The following MAPK14 variants were observed in gnomAD, a reference collection of about 807,000 sequenced individuals.
MAPK14 encodes the protein mitogen-activated protein kinase 14, also known as CSAID-binding protein.
In MAPK14, 16 loss-of-function variants were observed where a neutral mutation model predicts 49.6. The observed-to-expected ratio is 0.32, with a 90% confidence interval of 0.22 to 0.49. The LOEUF (loss-of-function observed/expected upper bound fraction) is 0.49. Among genes scored for constraint, MAPK14 ranks in the 20% least tolerant of loss-of-function variants. MAPK14 has a pLI of 0.99. For missense variants in MAPK14, 200 were observed against 441.2 expected (o/e 0.45, Z 4.90); for synonymous variants, 142 against 158.0 (o/e 0.90, Z 0.76).
chr6:36,091,233 A>G (rs1765215445), intron 8 of MAPK14, among the ~76,000 whole-genome samples: 1 of 150,636 alleles, frequency 6.6e-6, no homozygotes, highest in South Asian at 2.1e-4. Context: ...ATATCCTGTT[A>G]TGCTTAGTTT....
chr6:36,102,694 A>G (rs1307781557), intron 10 of MAPK14, 45 bp downstream of exon 10: 7 of 1,607,892 alleles, frequency 4.4e-6, no homozygotes, highest in Non-Finnish European at 5.9e-6. Flanking sequence ...TGAATTGGTT[A>G]TGATATAAAT....
chr6:36,104,184 G>T (rs1408150978), intron 10 of MAPK14, among the ~76,000 whole-genome samples: 1 of 152,146 alleles, frequency 6.6e-6, no homozygotes, highest in African/African-American at 2.4e-5. Flanking sequence ...CAGCTGGGTC[G>T]CTCTCCTGCC....
chr6:36,098,166 A>G (rs572753344), intron 9 of MAPK14: 115 of 152,346 alleles, frequency 7.5e-4, no homozygotes, highest in African/African-American at 2.7e-3. Flanking sequence ...AGCTGTTTTC[A>G]TTCTCCTGAA....
At chr6:36,060,997 T>C (rs71569320) in intron 3 of MAPK14, among the ~76,000 whole-genome samples, 1 of 152,198 alleles carries the variant, frequency 6.6e-6, no homozygotes, top group Non-Finnish European at 1.5e-5. Flanking sequence ...TATGGAGGCT[T>C]CCAGAGATTA....
chr6:36,068,575 GT>G (rs1452166242), intron 3 of MAPK14, among the ~76,000 whole-genome samples: 1 of 152,040 alleles, frequency 6.6e-6, no homozygotes, highest in Non-Finnish European at 1.5e-5. Context: ...GAATAAATGG[GT>G]TTTTTTGTTT....
At chr6:36,061,852 T>G (rs1267930888) in intron 3 of MAPK14, among the ~76,000 whole-genome samples, 1 of 152,228 alleles carries the variant, frequency 6.6e-6, no homozygotes, top group East Asian at 1.9e-4. Flanking sequence ...GTGTTTTAAA[T>G]TACAGAAAGT....
chr6:36,028,298 G>T lies in MAPK14; in HGVS notation c.116+25G>T. The T allele has an allele frequency of 6.4e-7, 1 of 1,560,722 alleles. No individual in the cohort carries two copies. The highest frequency in any genetic ancestry group is 1.7e-5 in the Admixed American group (1 of 59,642). On this transcript the variant is annotated intron_variant, in intron 1 of 11. Coordinates refer to ENST00000229794, the MANE Select transcript of MAPK14 (RefSeq NM_139012.3). This position sits in a 1 kb window ranked among gnomAD's most constrained non-coding sequence, Gnocchi z 5.1. ...GGTGAGTGTCGCTGGGCCTGGGGCC[G>T]CTGTGGGCAGGGTGGCCCCTCGCGC...
chr6:36,064,013 C>G (rs1347773834), intron 3 of MAPK14, among the ~76,000 whole-genome samples: 1 of 151,978 alleles, frequency 6.6e-6, no homozygotes, highest in African/African-American at 2.4e-5. Context: ...ATATTTGAAC[C>G]TAACACCAGA....
intron 8 of MAPK14, among the ~76,000 whole-genome samples, chr6:36,090,850 C>T (rs1004004539): frequency 3.3e-5 from 5 of 152,192 alleles, no homozygotes; most frequent in Non-Finnish European, 7.3e-5. Flanking sequence ...CCTTTCCTCT[C>T]TAACTTGAAA....
chr6:36,085,947 T>C (rs540441485), intron 8 of MAPK14, among the ~76,000 whole-genome samples: 1 of 152,272 alleles, frequency 6.6e-6, no homozygotes, highest in East Asian at 1.9e-4. Flanking sequence ...ACTGAAAATA[T>C]AACACACAGC....
chr6:36,120,389 C>T, the MAPK14 span, among the ~76,000 whole-genome samples: 1 of 152,032 alleles, frequency 6.6e-6, no homozygotes, highest in Admixed American at 6.6e-5. Flanking sequence ...TCCTCCCACC[C>T]CCACCAGCCA....
chr6:36,028,083 G>A lies in MAPK14; in HGVS notation c.-75G>A. ...CCCCGCCCGGCTGGGCGGGCAGCAA[G>A]GGCCGGGGAGAGGGTGCGGGTGCAG... is the stretch of plus-strand genomic sequence containing the variant. On this transcript the variant is annotated 5_prime_UTR_variant, in exon 1 of 12. Coordinates refer to ENST00000229794, the MANE Select transcript of MAPK14 (RefSeq NM_139012.3). This position sits in a 1 kb window ranked among gnomAD's most constrained non-coding sequence, Gnocchi z 5.1. The A allele has an allele frequency of 1.0e-6, 1 of 990,738 alleles. No individual in the cohort carries two copies. The allele number at this position is 990,738 out of a possible 1,614,324, so 61.4% of individuals were successfully genotyped here.
chr6:36,030,105 T>A (rs1762481571), intron 1 of MAPK14, among the ~76,000 whole-genome samples: 1 of 152,196 alleles, frequency 6.6e-6, no homozygotes, highest in South Asian at 2.1e-4. Context: ...TCAATGCTAT[T>A]TAAATTTTAA....
rs776868245 is a variant in MAPK14 at position 36,107,251 on chromosome 6, A to T, written c.842-204A>T. Among the ~76,000 whole-genome samples the T allele has an allele frequency of 5.5e-5, 7 of 127,548 alleles. No individual in the cohort carries two copies. Among genetic ancestry groups the T allele is most frequent in the Admixed American group, 1.7e-4 (2 of 11,446 alleles). The allele number at this position is 127,548 out of a possible 152,430, so 83.7% of individuals were successfully genotyped here. Reference sequence around the variant, plus strand: ...TCAAAAATAAAATAAAAAAATTTTAAAACATAGAAAATACAGATACACACA... The same window carrying T: ...TCAAAAATAAAATAAAAAAATTTTATAACATAGAAAATACAGATACACACA... On this transcript the variant is annotated intron_variant, in intron 10 of 11. Transcript: ENST00000229794. The surrounding 1 kb of genome is among the most constrained non-coding windows in gnomAD (Gnocchi z 4.3).
intron 1 of MAPK14, among the ~76,000 whole-genome samples, chr6:36,035,213 A>G (rs895869859): frequency 6.6e-6 from 1 of 152,082 alleles, no homozygotes; most frequent in Non-Finnish European, 1.5e-5. Flanking sequence ...CTGGGATTAC[A>G]GGTGTGAGCC....
chr6:36,074,740 C>T (rs772347301), intron 6 of MAPK14, among the ~76,000 whole-genome samples: 6 of 151,740 alleles, frequency 4.0e-5, no homozygotes, highest in South Asian at 2.1e-4. Context: ...CTCAGCCTCC[C>T]GAGTAGCTGG....
chr6:36,092,419 C>T lies in MAPK14; in HGVS notation c.683-3568C>T, dbSNP rs566121059. On this transcript the variant is annotated intron_variant, in intron 8 of 11. Coordinates refer to ENST00000229794, the MANE Select transcript of MAPK14 (RefSeq NM_139012.3). ...GGTGGTCAGGACTGTTTCACCAGAA[C>T]GATACACTCGTAGTGAAGCGTTCTC... 4.6e-5 allele frequency: 31 copies of T among 677,770 alleles called. 1 individual carries two copies. Among genetic ancestry groups the T allele is most frequent in the South Asian group, 2.7e-4 (20 of 73,878 alleles). The allele number at this position is 677,770 out of a possible 1,614,324, so 42.0% of individuals were successfully genotyped here.
chr6:36,123,086 G>A, the MAPK14 span, among the ~76,000 whole-genome samples: 1 of 152,018 alleles, frequency 6.6e-6, no homozygotes, highest in Non-Finnish European at 1.5e-5. Context: ...AGTTAGGCTT[G>A]GAAAGAAGGA....
intron 1 of MAPK14, among the ~76,000 whole-genome samples, chr6:36,035,800 G>A (rs962492025): frequency 3.9e-5 from 6 of 152,178 alleles, no homozygotes; most frequent in East Asian, 3.8e-4. Flanking sequence ...GCCTAATCTA[G>A]AGCAAAGCCC....
Sources: allele counts gnomAD v4.1 joint callset (sites outside exome capture counted in the v4.1 genomes callset), GRCh38; gene constraint gnomAD v4.1.1; non-coding constraint Gnocchi (gnomAD v3.1); transcripts MANE v1.5; gene names NCBI Gene and HGNC (gene_info 2026-07-23, HGNC 2026-07-21).